Variants in DCDC2 observed in about 807,000 individuals in gnomAD.
The protein encoded by DCDC2 is doublecortin domain containing 2, also known as doublecortin domain-containing protein 2.
In DCDC2, 40 loss-of-function variants were observed where a neutral mutation model predicts 50.2. The ratio of observed to expected loss-of-function variants is 0.80; its 90% CI spans 0.62 to 1.04. The LOEUF (loss-of-function observed/expected upper bound fraction) is 1.04. DCDC2 is among the 50% of genes least tolerant of loss of function. The pLI is 0.00. For synonymous variants in DCDC2, 234 were observed against 210.6 expected, an observed-to-expected ratio of 1.11 and a Z score of -0.96; for missense variants, 570 against 581.9, an observed-to-expected ratio of 0.98 and a Z score of 0.21.
intron 4 of DCDC2, among the ~76,000 whole-genome samples, chr6:24,293,159 C>G (rs1763787570): frequency 6.6e-6 from 1 of 152,126 alleles, no homozygotes; most frequent in South Asian, 2.1e-4. Context: ...AGGTTGGTCT[C>G]GAACTCCTGG....
chr6:24,211,493 A>C (rs1201765159), intron 7 of DCDC2, among the ~76,000 whole-genome samples: 1 of 152,212 alleles, frequency 6.6e-6, no homozygotes, highest in African/African-American at 2.4e-5. Context: ...TTACGGTTGC[A>C]GATGGAATTA....
chr6:24,226,935 C>CT (rs1315727637), intron 7 of DCDC2, among the ~76,000 whole-genome samples: 4 of 152,118 alleles, frequency 2.6e-5, no homozygotes, highest in African/African-American at 4.8e-5. Flanking sequence ...TTCACATACT[C>CT]GGGAGGCAGC....
At chr6:24,333,099 A>G (rs1759994331) in intron 2 of DCDC2, among the ~76,000 whole-genome samples, 1 of 152,168 alleles carries the variant, frequency 6.6e-6, no homozygotes, top group African/African-American at 2.4e-5. Flanking sequence ...CAAAAAGAAG[A>G]ATGAGGGAGA....
intron 8 of DCDC2, among the ~76,000 whole-genome samples, chr6:24,179,547 C>CAAAAAAAAA (rs56731018): frequency 4.0e-5 from 2 of 49,574 alleles, no homozygotes; most frequent in Non-Finnish European, 6.5e-5. Flanking sequence ...GACACCATCT[C>CAAAAAAAAA]AAAAAAAAAA....
chr6:24,204,891 T>C, intron 8 of DCDC2, 111 bp downstream of exon 8: 1 of 974,324 alleles, frequency 1.0e-6, no homozygotes, highest in Non-Finnish European at 1.5e-6. Context: ...CATAGTACCT[T>C]AGAGGGTTTA....
chr6:24,176,655 A>G (rs1286925750), intron 9 of DCDC2, among the ~76,000 whole-genome samples: 2 of 152,196 alleles, frequency 1.3e-5, no homozygotes, highest in African/African-American at 2.4e-5. Context: ...AGTGATTTTC[A>G]AGTATACAAT....
chr6:24,318,780 C>CGTGTGTGTGTGT (rs57175093), intron 2 of DCDC2, among the ~76,000 whole-genome samples: 11,346 of 149,580 alleles, frequency 0.076, 537 homozygotes, highest in African/African-American at 0.12. Context: ...TATATACGTA[C>CGTGTGTGTGTGT]GTGTGTGTGT....
intron 8 of DCDC2, among the ~76,000 whole-genome samples, chr6:24,181,182 A>G (rs868748785): frequency 7.9e-5 from 12 of 152,368 alleles, no homozygotes; most frequent in African/African-American, 2.4e-4. Context: ...TGATGGACAG[A>G]AACTCAGGTC....
Position 24,357,472 on chromosome 6 carries a change from G to A in DCDC2, c.279C>T (p.Ala93=), listed in dbSNP as rs1163929436. The A allele has an allele frequency of 6.2e-7, 1 of 1,604,654 alleles. No homozygotes were observed. Among genetic ancestry groups the A allele is most frequent in the African/African-American group, 1.3e-5 (1 of 74,666 alleles). Residue 93 remains alanine, a synonymous_variant, in exon 1 of 10, where the codon GCC becomes GCT. Coordinates refer to ENST00000378454, the MANE Select transcript of DCDC2 (RefSeq NM_016356.5). ...GACCGACTCACTTGAGTTTCTTGAA[G>A]GCTTCCTGGCCTCCAGCCACGTAAT... ...GGNYVAGGQE[A]FKKLNYLDIG...
intron 2 of DCDC2, among the ~76,000 whole-genome samples, chr6:24,327,366 A>C (rs1157743707): frequency 6.7e-6 from 1 of 149,616 alleles, no homozygotes; most frequent in African/African-American, 2.4e-5. Context: ...GGTCTTTAGC[A>C]ACTGTCAGCA....
intron 7 of DCDC2, among the ~76,000 whole-genome samples, chr6:24,262,182 G>A (rs1748233270): frequency 6.7e-6 from 1 of 149,566 alleles, no homozygotes; most frequent in South Asian, 2.1e-4. Flanking sequence ...GCTTAGGGGA[G>A]GGAGAGCACA....
upstream of DCDC2, among the ~76,000 whole-genome samples, chr6:24,359,704 C>T (rs527633871): frequency 6.7e-6 from 1 of 149,710 alleles, no homozygotes; most frequent in African/African-American, 2.5e-5. Context: ...TGAGACCAAC[C>T]TGAGCAGCAC....
chr6:24,306,527 TAGATAGATAGATAGATAGACAGAC>T lies in DCDC2; in HGVS notation c.349-4507_349-4484del, dbSNP rs1428510430. Among the ~76,000 whole-genome samples, 474 of 141,746 alleles carry T rather than the reference TAGATAGATAGATAGATAGACAGAC, an allele frequency of 3.3e-3. 2 individuals are homozygous for T. The highest frequency in any genetic ancestry group is 5.1e-3 in the Non-Finnish European group (335 of 65,708). The allele number at this position is 141,746 out of a possible 152,430, so 93.0% of individuals were successfully genotyped here. A position where few individuals can be genotyped will look rare whatever the true frequency, so the allele number is the denominator to read the frequency against. On this transcript the variant is annotated intron_variant, in intron 2 of 9. Transcript: ENST00000378454. ...ATAGATAGATAGATAGATAGATAGA[TAGATAGATAGATAGATAGACAGAC>T]AGACAGACAGACAGACAGACAGACA...
intron 2 of DCDC2, among the ~76,000 whole-genome samples, chr6:24,347,381 G>C (rs547584486): frequency 6.6e-6 from 1 of 152,014 alleles, no homozygotes; most frequent in Non-Finnish European, 1.5e-5. Context: ...GCACATAACA[G>C]GCACACAATA....
intron 7 of DCDC2, among the ~76,000 whole-genome samples, chr6:24,216,424 C>G (rs1761978077): frequency 6.6e-6 from 1 of 152,132 alleles, no homozygotes; most frequent in South Asian, 2.1e-4. Context: ...ATTTGGGGAT[C>G]CCCTTGATCT....
intron 2 of DCDC2, among the ~76,000 whole-genome samples, chr6:24,308,294 T>A (rs1375065440): frequency 2.0e-5 from 3 of 152,234 alleles, no homozygotes; most frequent in Admixed American, 2.0e-4. Flanking sequence ...CAAGTCCTGT[T>A]GCACAGAAAG....
At chr6:24,198,629 AGTG>A (rs993266766) in intron 8 of DCDC2, among the ~76,000 whole-genome samples, 1 of 151,218 alleles carries the variant, frequency 6.6e-6, no homozygotes, top group Non-Finnish European at 1.5e-5. Flanking sequence ...TTCATACCCC[AGTG>A]GTGCCTGGAA....
intron 2 of DCDC2, among the ~76,000 whole-genome samples, chr6:24,335,401 G>A (rs1200386127): frequency 6.6e-6 from 1 of 152,114 alleles, no homozygotes; most frequent in African/African-American, 2.4e-5. Flanking sequence ...AAAGATATGT[G>A]GTTATTCGAC....
chr6:24,210,959 C>G (rs942808059), intron 7 of DCDC2, among the ~76,000 whole-genome samples: 7 of 152,338 alleles, frequency 4.6e-5, no homozygotes, highest in African/African-American at 1.7e-4. Flanking sequence ...CACAGAGTCT[C>G]TGCCTAAAAA....
Sources: gnomAD v4.1 joint callset for allele counts (sites outside exome capture counted in the v4.1 genomes callset) on GRCh38, gnomAD v4.1.1 for gene constraint, MANE v1.5 for transcripts, NCBI Gene and HGNC (gene_info 2026-07-23, HGNC 2026-07-21) for gene names.